Variants in FARP2 observed in about 807,000 individuals in gnomAD.
FARP2 encodes the protein FERM, ARHGEF and pleckstrin domain-containing protein 2.
In FARP2, 111 loss-of-function variants were observed where a neutral mutation model predicts 130.5. That is an observed-to-expected ratio of 0.85 (90% CI 0.73 to 1.00). The LOEUF is 1.00. Ranked by LOEUF, FARP2 falls within the 50% of genes least tolerant of loss-of-function variation. The pLI, the probability that FARP2 is intolerant of heterozygous loss-of-function variation, is 0.00. For synonymous variants in FARP2, 504 were observed against 516.9 expected (o/e 0.98, Z 0.34); for missense variants, 1,385 against 1,346.3 (o/e 1.03, Z -0.45).
intron 1 of FARP2, among the ~76,000 whole-genome samples, chr2:241,369,419 T>G (rs2061378445): frequency 1.3e-5 from 2 of 152,110 alleles, no homozygotes; most frequent in South Asian, 4.1e-4. Context: ...TCCATCCCAG[T>G]GACAGTCCCT....
intron 19 of FARP2, 51 bp from the exon 20 acceptor site, chr2:241,483,414 C>G: frequency 6.6e-7 from 1 of 1,517,298 alleles, no homozygotes; most frequent in Non-Finnish European, 9.2e-7. Context: ...GCTAGTGCAT[C>G]CGCCAGCTGC....
intron 2 of FARP2, among the ~76,000 whole-genome samples, chr2:241,391,097 G>T (rs2061894275): frequency 6.6e-6 from 1 of 152,202 alleles, no homozygotes. Flanking sequence ...AGTAAGGACA[G>T]GCAAGCTGCT....
At chr2:241,381,276 C>A (rs972319960) in intron 2 of FARP2, among the ~76,000 whole-genome samples, 1 of 152,074 alleles carries the variant, frequency 6.6e-6, no homozygotes, top group Admixed American at 6.5e-5. Context: ...CCTCTAGTGC[C>A]CAAAACCTTT....
intron 1 of FARP2, among the ~76,000 whole-genome samples, chr2:241,356,997 T>C (rs953740895): frequency 7.2e-5 from 11 of 152,248 alleles, no homozygotes; most frequent in Admixed American, 6.5e-4. Flanking sequence ...CCATGAAAAC[T>C]GGGGACCAGA....
In FARP2 at chr2:241,453,418, C is replaced by A. The variant is rs185944856; in HGVS notation, c.1412-3329C>A. On this transcript the variant is annotated intron_variant, in intron 13 of 26. Coordinates refer to ENST00000264042, the MANE Select transcript of FARP2 (RefSeq NM_014808.4). ...CGGGCAGATCACAAGGTCAGGAGAT[C>A]GAGACCATCCTGGCTAACATGGTGA... Among the ~76,000 whole-genome samples the A allele has an allele frequency of 1.4e-3, 216 of 150,990 alleles. 1 individual carries two copies. Among genetic ancestry groups the A allele is most frequent in the South Asian group, 5.9e-3 (28 of 4,750 alleles).
intron 2 of FARP2, among the ~76,000 whole-genome samples, chr2:241,394,171 G>C (rs74000648): frequency 6.6e-6 from 1 of 152,132 alleles, no homozygotes; most frequent in African/African-American, 2.4e-5. Context: ...GTGAATTTCT[G>C]TATTTTTAGG....
At chr2:241,372,046 A>T (rs2061435145) in intron 1 of FARP2, among the ~76,000 whole-genome samples, 1 of 152,006 alleles carries the variant, frequency 6.6e-6, no homozygotes, top group Admixed American at 6.6e-5. Context: ...CCCAATTTGA[A>T]TGGAAAAATA....
At chr2:241,457,264 C>T (rs576857316) in intron 14 of FARP2, among the ~76,000 whole-genome samples, 12 of 152,306 alleles carry the variant, frequency 7.9e-5, no homozygotes, top group African/African-American at 2.9e-4. Context: ...CCACCTTCCT[C>T]ATTTCTCCCT....
chr2:241,404,777 T>C (rs755771184), intron 3 of FARP2, 22 bp from the exon 4 acceptor site: 1 of 1,570,318 alleles, frequency 6.4e-7, no homozygotes, highest in South Asian at 1.1e-5. Context: ...AGATTGGATT[T>C]CTTCTGTTAA....
At position 241,441,408 on chromosome 2, in the gene FARP2, G is replaced by GT; in HGVS notation, c.1266dup (p.Lys423Ter). 1 of 1,614,252 alleles carries GT rather than the reference G, an allele frequency of 6.2e-7. No individual in the cohort carries two copies. Among genetic ancestry groups the GT allele is most frequent in the Non-Finnish European group, 8.5e-7 (1 of 1,180,052 alleles). ...CTCTGGTCCCCTCTGGCCTGCCAGA[G>GT]TTTAAGGACAGCAGCAGCTCCCTCA... On this transcript the variant is annotated frameshift_variant, in exon 13 of 27. Transcript: ENST00000264042. LOFTEE classifies it high-confidence loss of function.
intron 18 of FARP2, chr2:241,471,170 T>G (rs1334052303): frequency 2.0e-5 from 3 of 151,206 alleles, no homozygotes; most frequent in Admixed American, 6.6e-5. Context: ...GGTCCTGTTC[T>G]GAGGGGGATG....
intron 13 of FARP2, chr2:241,442,180 A>G (rs998988188): frequency 2.0e-5 from 9 of 452,354 alleles, no homozygotes; most frequent in Non-Finnish European, 2.7e-5. Flanking sequence ...CCTCAATAAC[A>G]TGCCACTACG....
chr2:241,490,802 A>AC (rs1373124935), intron 22 of FARP2, among the ~76,000 whole-genome samples: 1 of 151,934 alleles, frequency 6.6e-6, no homozygotes, highest in Non-Finnish European at 1.5e-5. Context: ...ACCCCTGCAG[A>AC]CCCCCTGTTC....
At position 241,362,699 on chromosome 2, in the gene FARP2, G is replaced by A. The variant is rs1439825600; in HGVS notation, c.-25+6311G>A. Among the ~76,000 whole-genome samples, 7 of 152,078 alleles carry A rather than the reference G, an allele frequency of 4.6e-5. 1 individual carries two copies. Among genetic ancestry groups the A allele is most frequent in the Non-Finnish European group, 1.0e-4 (7 of 68,008 alleles). On this transcript the variant is annotated intron_variant, in intron 1 of 26. Coordinates refer to ENST00000264042, the MANE Select transcript of FARP2 (RefSeq NM_014808.4). Reference sequence around the variant, plus strand: ...AGACAGTTATTCCAGCTTTCTCTTGGAAGGTAAGTAATGGCATACTGTAGG... The same window carrying A: ...AGACAGTTATTCCAGCTTTCTCTTGAAAGGTAAGTAATGGCATACTGTAGG...
At chr2:241,427,478 C>T (rs1438973477) in intron 8 of FARP2, among the ~76,000 whole-genome samples, 1 of 152,104 alleles carries the variant, frequency 6.6e-6, no homozygotes, top group East Asian at 1.9e-4. Context: ...CAAAGCAAGA[C>T]CTCATCTCTA....
chr2:241,362,718 CTGTAGGTA>C (rs2061217253), intron 1 of FARP2, among the ~76,000 whole-genome samples: 1 of 152,260 alleles, frequency 6.6e-6, no homozygotes, highest in South Asian at 2.1e-4. Flanking sequence ...TAATGGCATA[CTGTAGGTA>C]GCCCCTATCA....
At chr2:241,430,448 C>T (rs761784788) in intron 8 of FARP2, among the ~76,000 whole-genome samples, 1 of 152,206 alleles carries the variant, frequency 6.6e-6, no homozygotes, top group Non-Finnish European at 1.5e-5. Context: ...CAATGCTACA[C>T]ACATGTACAT....
chr2:241,364,682 T>C (rs1430957698), intron 1 of FARP2, among the ~76,000 whole-genome samples: 1 of 152,196 alleles, frequency 6.6e-6, no homozygotes, highest in African/African-American at 2.4e-5. Context: ...AAAAATACAA[T>C]AACTGAAATA....
Position 241,390,614 on chromosome 2 carries a change from T to C in FARP2, c.184-13214T>C, listed in dbSNP as rs945724909. On this transcript the variant is annotated intron_variant, in intron 2 of 26. Coordinates refer to ENST00000264042, the MANE Select transcript of FARP2 (RefSeq NM_014808.4). ...ATTTAGTTGGATTCTTTTTCCAGTC[T>C]CCTCTCATTTTATGAATACCTTTAC... Among the ~76,000 whole-genome samples the C allele has an allele frequency of 3.3e-5, 5 of 152,304 alleles. No individual in the cohort carries two copies. The East Asian group carries it at 9.6e-4, about 29-fold the overall frequency.
Sources: allele counts gnomAD v4.1 joint callset (sites outside exome capture counted in the v4.1 genomes callset), GRCh38; gene constraint gnomAD v4.1.1; transcripts MANE v1.5; gene names NCBI Gene and HGNC (gene_info 2026-07-23, HGNC 2026-07-21).